The following DDX4 variants were observed in gnomAD, a reference collection of about 807,000 sequenced individuals.
DDX4 encodes probable ATP-dependent RNA helicase DDX4.
A neutral mutation model predicts 100.0 loss-of-function variants in DDX4; 25 were observed. That is an observed-to-expected ratio of 0.25 (90% confidence interval 0.18 to 0.35). The LOEUF (loss-of-function observed/expected upper bound fraction) is 0.35. Among genes scored for constraint, DDX4 ranks in the 10% least tolerant of loss-of-function variants. DDX4 has a pLI of 1.00. For missense variants in DDX4, 635 were observed against 882.4 expected, an observed-to-expected ratio of 0.72 and a Z score of 3.55; for synonymous variants, 259 against 275.7, an observed-to-expected ratio of 0.94 and a Z score of 0.60.
At chr5:55,787,825 A>G (rs1742335280) in intron 14 of DDX4, 21 bp from the exon 15 acceptor site, 1 of 1,609,862 alleles carries the variant, frequency 6.2e-7, no homozygotes, top group African/African-American at 1.3e-5. Flanking sequence ...AAGTTTGTAA[A>G]CTAAGCAACT....
chr5:55,783,522 C>A (rs2408110), intron 10 of DDX4, among the ~76,000 whole-genome samples: 10,490 of 152,120 alleles, frequency 0.069, 562 homozygotes, highest in African/African-American at 0.15. Flanking sequence ...GATTGTTCAT[C>A]AAAAATTCAT....
intron 17 of DDX4, among the ~76,000 whole-genome samples, chr5:55,797,351 A>G (rs1406722649): frequency 1.3e-5 from 2 of 152,202 alleles, no homozygotes; most frequent in Admixed American, 6.5e-5. Context: ...CATCATGTTC[A>G]TCTTTGTACT....
rs1158916988 is a variant in DDX4, at chr5:55,761,228, T to C, written c.205+951T>C. Among the ~76,000 whole-genome samples the C allele has an allele frequency of 2.0e-5, 3 of 152,330 alleles. No individual in the cohort carries two copies. The East Asian group carries it at 5.8e-4, about 29-fold the overall frequency. ...TAAGATGCATTGTTTATTTGGACAA[T>C]GTAATTGTGCTAAGAGATTCAGATG... On this transcript the variant is annotated intron_variant, in intron 4 of 21. Coordinates refer to ENST00000505374, the MANE Select transcript of DDX4 (RefSeq NM_024415.3).
intron 7 of DDX4, among the ~76,000 whole-genome samples, chr5:55,777,062 A>T (rs7712112): frequency 0.069 from 10,444 of 152,234 alleles, 557 homozygotes; most frequent in African/African-American, 0.15. Context: ...TTGCTGATGG[A>T]GGAAATCCAA....
chr5:55,808,760 G>A (rs572358435), intron 18 of DDX4, among the ~76,000 whole-genome samples: 2 of 152,250 alleles, frequency 1.3e-5, no homozygotes, highest in South Asian at 4.1e-4. Flanking sequence ...CTCCTTGGGG[G>A]TCAGGGACCC....
intron 6 of DDX4, among the ~76,000 whole-genome samples, chr5:55,764,509 A>G (rs1740766625): frequency 6.6e-6 from 1 of 152,162 alleles, no homozygotes; most frequent in South Asian, 2.1e-4. Flanking sequence ...AATACAGAGA[A>G]TGATGAGAAT....
rs2111807963 is a variant in DDX4, at chr5:55,763,162, C to T, written c.206-13C>T. On this transcript the variant is annotated splice_polypyrimidine_tract_variant and intron_variant, in intron 4 of 21. Transcript: ENST00000505374. The stretch of plus-strand genomic sequence containing the variant: ...TTATATGTTAAAGAGTTTAACTGTC[C>T]ACCCTTTTTCAGATGCTGGTGAGTG... 10 of 1,577,554 alleles carry T rather than the reference C, an allele frequency of 6.3e-6. No individual in the cohort carries two copies. Among genetic ancestry groups the T allele is most frequent in the Non-Finnish European group, 8.7e-6 (10 of 1,148,226 alleles).
At chr5:55,759,466 A>G (rs1760161672) in intron 3 of DDX4, among the ~76,000 whole-genome samples, 1 of 151,400 alleles carries the variant, frequency 6.6e-6, no homozygotes, top group Non-Finnish European at 1.5e-5. Context: ...GTGATAAGAG[A>G]ATCTCATGTA....
chr5:55,791,829 A>G (rs1251641806), intron 16 of DDX4, among the ~76,000 whole-genome samples: 2 of 152,110 alleles, frequency 1.3e-5, no homozygotes. Context: ...CAATGCAGAT[A>G]GGCTGGGTGC....
chr5:55,792,641 A>G lies in DDX4; in HGVS notation c.1303A>G (p.Ile435Val), dbSNP rs757235075. ...TTTACCTTTGAAAATATCCTTAAAGATTGGTCTCAAACAGATCAAATACTT... is the reference window on the plus strand; with the variant it reads ...TTTACCTTTGAAAATATCCTTAAAGGTTGGTCTCAAACAGATCAAATACTT... Reference protein sequence around the residue: ...RLMDIIGKEKIGLKQIKYLVL... With the variant: ...RLMDIIGKEKVGLKQIKYLVL... The change falls in exon 17 of 22, where the codon ATT becomes GTT. Residue 435 changes from isoleucine (I) to valine (V), a missense_variant and splice_region_variant. Ile to Val is a conservative substitution (Grantham distance 29, BLOSUM62 3). Coordinates refer to ENST00000505374, the MANE Select transcript of DDX4 (RefSeq NM_024415.3). 2.8e-5 allele frequency: 42 copies of G among 1,512,234 alleles called. No individual in the cohort carries two copies. Among genetic ancestry groups the G allele is most frequent in the Middle Eastern group, 3.5e-4 (2 of 5,706 alleles). The allele number at this position is 1,512,234 out of a possible 1,614,324, so 93.7% of individuals were successfully genotyped here.
rs1741030553 is a variant in DDX4 at position 55,767,952 on chromosome 5, A to G, written c.394+12A>G. The G allele has an allele frequency of 6.2e-7, 1 of 1,612,534 alleles. No homozygotes were observed. The highest frequency in any genetic ancestry group is 8.5e-7 in the Non-Finnish European group (1 of 1,178,678). On this transcript the variant is annotated intron_variant, in intron 7 of 21. Transcript: ENST00000505374. ...TTCCAAGAGAGGCGGTAAGGACCACATTTTGGAACAATTTGTACTTAACAC... is the reference window on the plus strand; with the variant it reads ...TTCCAAGAGAGGCGGTAAGGACCACGTTTTGGAACAATTTGTACTTAACAC...
intron 18 of DDX4, among the ~76,000 whole-genome samples, chr5:55,809,274 G>A (rs949438744): frequency 3.3e-5 from 5 of 152,270 alleles, no homozygotes; most frequent in Non-Finnish European, 7.4e-5. Context: ...CAGGTGAGGC[G>A]ATGCCTGGCC....
intron 3 of DDX4, among the ~76,000 whole-genome samples, chr5:55,757,340 G>T (rs1760005098): frequency 6.6e-6 from 1 of 152,150 alleles, no homozygotes; most frequent in South Asian, 2.1e-4. Context: ...CTTAGCTCCT[G>T]CTTATGAGTG....
chr5:55,808,613 C>G (rs188721867), intron 18 of DDX4, among the ~76,000 whole-genome samples: 1 of 152,214 alleles, frequency 6.6e-6, no homozygotes, highest in Non-Finnish European at 1.5e-5. Context: ...GTATCAGCAG[C>G]GGAGGCTGCA....
At chr5:55,803,775 C>T (rs1484603632) in intron 18 of DDX4, among the ~76,000 whole-genome samples, 2 of 151,836 alleles carry the variant, frequency 1.3e-5, no homozygotes, top group African/African-American at 4.8e-5. Context: ...TGAATAGTGC[C>T]TCAATAAACA....
intron 7 of DDX4, among the ~76,000 whole-genome samples, chr5:55,770,915 A>G (rs1367744165): frequency 6.6e-6 from 1 of 152,188 alleles, no homozygotes; most frequent in Non-Finnish European, 1.5e-5. Flanking sequence ...TGTACTATTA[A>G]CATTTACTTT....
At chr5:55,805,730 A>G (rs1436319161) in intron 18 of DDX4, among the ~76,000 whole-genome samples, 1 of 151,978 alleles carries the variant, frequency 6.6e-6, no homozygotes, top group East Asian at 1.9e-4. Flanking sequence ...GTTTGCCAGT[A>G]TTTTCTTGAG....
intron 17 of DDX4, among the ~76,000 whole-genome samples, chr5:55,797,299 T>C (rs1199227744): frequency 6.6e-6 from 1 of 152,236 alleles, no homozygotes; most frequent in Non-Finnish European, 1.5e-5. Flanking sequence ...TTTTTCTTAA[T>C]ATATCTTTCC....
chr5:55,813,967 T>A (rs746224537), intron 19 of DDX4, among the ~76,000 whole-genome samples, 195 bp downstream of exon 19: 1 of 152,204 alleles, frequency 6.6e-6, no homozygotes, highest in African/African-American at 2.4e-5. Flanking sequence ...TTCATCCTCA[T>A]TCTTAGTTTT....
Sources: gnomAD v4.1 joint callset for allele counts (sites outside exome capture counted in the v4.1 genomes callset) on GRCh38, gnomAD v4.1.1 for gene constraint, MANE v1.5 for transcripts, NCBI Gene and HGNC (gene_info 2026-07-23, HGNC 2026-07-21) for gene names.